FHIT: variants seen among roughly 807,000 people sequenced by gnomAD.
The protein encoded by FHIT is bis(5'-adenosyl)-triphosphatase.
A neutral mutation model predicts 17.9 loss-of-function variants in FHIT; 19 were observed. That is an observed-to-expected ratio of 1.06 (90% CI 0.74 to 1.56). FHIT has a LOEUF of 1.56. FHIT is among the 40% of genes most tolerant of loss of function. The pLI, the probability that FHIT is intolerant of heterozygous loss-of-function variation, is 0.00. For missense variants in FHIT, 248 were observed against 189.2 expected, an observed-to-expected ratio of 1.31 and a Z score of -1.82; for synonymous variants, 81 against 69.7, an observed-to-expected ratio of 1.16 and a Z score of -0.81.
At chr3:60,590,762 A>C (rs1002292288) in intron 4 of FHIT, among the ~76,000 whole-genome samples, 5 of 152,250 alleles carry the variant, frequency 3.3e-5, no homozygotes, top group African/African-American at 1.2e-4. Flanking sequence ...TCCAAGTGTG[A>C]ATGAGGCAGA....
chr3:60,013,923 C>T, intron 6 of FHIT, 84 bp downstream of exon 6: 1 of 1,381,808 alleles, frequency 7.2e-7, no homozygotes, highest in East Asian at 2.3e-5. Flanking sequence ...CATCTGCCCT[C>T]CTGGTAAGAT....
intron 5 of FHIT, among the ~76,000 whole-genome samples, chr3:60,317,727 C>T (rs1709228812): frequency 6.7e-6 from 1 of 149,296 alleles, no homozygotes; most frequent in Non-Finnish European, 1.5e-5. Flanking sequence ...TTCACAGTTG[C>T]TACAGAACTC....
intron 5 of FHIT, among the ~76,000 whole-genome samples, chr3:60,412,520 T>C (rs182922650): frequency 5.7e-4 from 87 of 152,214 alleles, no homozygotes; most frequent in Non-Finnish European, 1.1e-3. Context: ...CCAAGATAAC[T>C]GGAATTGTAC....
intron 8 of FHIT, among the ~76,000 whole-genome samples, chr3:59,799,190 CT>C (rs1699897060): frequency 6.6e-6 from 1 of 152,178 alleles, no homozygotes; most frequent in African/African-American, 2.4e-5. Flanking sequence ...CGTACATAGA[CT>C]TACATATGTG....
chr3:60,012,133 G>A (rs764290326), intron 6 of FHIT, among the ~76,000 whole-genome samples: 17 of 152,120 alleles, frequency 1.1e-4, no homozygotes, highest in East Asian at 7.7e-4. Flanking sequence ...AACTCCCGCC[G>A]TAAGGATTAA....
intron 2 of FHIT, among the ~76,000 whole-genome samples, chr3:61,199,115 G>A (rs754669952): frequency 1.8e-4 from 28 of 152,234 alleles, no homozygotes; most frequent in African/African-American, 2.9e-4. Context: ...TAAGTTGTCC[G>A]CAGTCCAACA....
At chr3:60,419,147 T>C (rs1702379346) in intron 5 of FHIT, among the ~76,000 whole-genome samples, 1 of 152,190 alleles carries the variant, frequency 6.6e-6, no homozygotes, top group South Asian at 2.1e-4. Context: ...TACCACTTAC[T>C]GGCCAAGTCA....
At chr3:60,708,760 TA>T (rs1553704207) in intron 4 of FHIT, among the ~76,000 whole-genome samples, 8 of 152,302 alleles carry the variant, frequency 5.3e-5, no homozygotes, top group Non-Finnish European at 1.2e-4. Flanking sequence ...AAGGGAACAG[TA>T]TTCCCCAAAG....
intron 7 of FHIT, among the ~76,000 whole-genome samples, chr3:59,969,429 T>C (rs1445280711): frequency 6.6e-6 from 1 of 152,096 alleles, no homozygotes; most frequent in African/African-American, 2.4e-5. Context: ...ATGAGTTAAG[T>C]AGAAAGGTAA....
intron 3 of FHIT, among the ~76,000 whole-genome samples, chr3:61,006,771 T>C (rs1344217200): frequency 1.3e-5 from 2 of 152,200 alleles, no homozygotes; most frequent in Admixed American, 1.3e-4. Flanking sequence ...ACAGAATGAA[T>C]AAAGCATCTT....
intron 1 of FHIT, among the ~76,000 whole-genome samples, chr3:61,207,120 T>C (rs2039265324): frequency 6.6e-6 from 1 of 152,230 alleles, no homozygotes; most frequent in Non-Finnish European, 1.5e-5. Context: ...CTGGATTACG[T>C]TAATTGATTT....
intron 5 of FHIT, among the ~76,000 whole-genome samples, chr3:60,388,542 A>T (rs1701102620): frequency 6.6e-6 from 1 of 152,128 alleles, no homozygotes; most frequent in Non-Finnish European, 1.5e-5. Flanking sequence ...TGGAGGTTGC[A>T]ATGAGCAGCG....
chr3:60,532,980 C>T (rs1169688409), intron 5 of FHIT, among the ~76,000 whole-genome samples: 1 of 152,120 alleles, frequency 6.6e-6, no homozygotes, highest in Non-Finnish European at 1.5e-5. Context: ...AGTCATCAAA[C>T]ATACAAAATA....
At chr3:60,459,551 T>A (rs12486710) in intron 5 of FHIT, among the ~76,000 whole-genome samples, 28,840 of 152,170 alleles carry the variant, frequency 0.19, 2,913 homozygotes, top group Admixed American at 0.29. Context: ...TAGCAGTGGT[T>A]TGAAACCACA....
At chr3:61,083,372 C>A (rs185473018) in intron 2 of FHIT, among the ~76,000 whole-genome samples, 68 of 152,240 alleles carry the variant, frequency 4.5e-4, no homozygotes, top group African/African-American at 1.6e-3. Flanking sequence ...GGGCGGATCA[C>A]GAGGTCAGGA....
chr3:61,075,721 AAAT>A (rs1186717278), intron 2 of FHIT, among the ~76,000 whole-genome samples: 2 of 152,102 alleles, frequency 1.3e-5, no homozygotes, highest in Non-Finnish European at 2.9e-5. Context: ...AATAAATAAT[AAAT>A]AATACTTTAT....
At chr3:60,691,037 T>C (rs1553699474) in intron 4 of FHIT, among the ~76,000 whole-genome samples, 1 of 152,210 alleles carries the variant, frequency 6.6e-6, no homozygotes, top group African/African-American at 2.4e-5. Context: ...ACTTTATTCT[T>C]TAAAAAATTA....
At chr3:60,593,801 A>G (rs1256051571) in intron 4 of FHIT, among the ~76,000 whole-genome samples, 1 of 152,104 alleles carries the variant, frequency 6.6e-6, no homozygotes, top group Non-Finnish European at 1.5e-5. Context: ...GAGACAGCCA[A>G]TGTGGAAAAA....
At chr3:59,816,204 TA>T (rs1700594255) in intron 8 of FHIT, among the ~76,000 whole-genome samples, 1 of 152,196 alleles carries the variant, frequency 6.6e-6, no homozygotes, top group Non-Finnish European at 1.5e-5. Context: ...TTCCTCTATG[TA>T]AATGGGGACA....
Sources: gnomAD v4.1 joint callset for allele counts (sites outside exome capture counted in the v4.1 genomes callset) on GRCh38, gnomAD v4.1.1 for gene constraint, MANE v1.5 for transcripts, NCBI Gene and HGNC (gene_info 2026-07-23, HGNC 2026-07-21) for gene names.